Variants in MCM9 observed in about 807,000 individuals in gnomAD.
MCM9 encodes the protein DNA helicase MCM9.
MCM9 carries 55 observed loss-of-function variants against 72.8 expected under a neutral mutation model. The ratio of observed to expected loss-of-function variants is 0.76; its 90% CI spans 0.61 to 0.95. The LOEUF (loss-of-function observed/expected upper bound fraction) is 0.95. Ranked by LOEUF, MCM9 falls within the 40% of genes least tolerant of loss-of-function variation. MCM9 has a pLI of 0.00. For missense variants in MCM9, 1,279 were observed against 1,377.0 expected (o/e 0.93, Z 1.13); for synonymous variants, 480 against 503.4 (o/e 0.95, Z 0.62).
chr6:118,816,332 G>T, intron 13 of MCM9, 38 bp from the exon 14 acceptor site: 1 of 1,457,434 alleles, frequency 6.9e-7, no homozygotes, highest in Non-Finnish European at 9.1e-7. Flanking sequence ...TGTCTTGAAG[G>T]GAAGAGAATT....
In MCM9 at chr6:118,826,682, G is replaced by A; in HGVS notation, c.1815+100C>T. The A allele has an allele frequency of 3.7e-6, 3 of 821,020 alleles. No individual in the cohort carries two copies. The South Asian group carries it at 5.3e-5, about 15-fold the overall frequency. The allele number at this position is 821,020 out of a possible 1,614,324, so 50.9% of individuals were successfully genotyped here. On this transcript the variant is annotated intron_variant, in intron 12 of 13. Transcript: ENST00000619706. Reference sequence around the variant, plus strand: ...CCAGGAATTACTAAGTCTAGAATATGAGCATTTTAATAACTTTTGATATGT... The same window carrying A: ...CCAGGAATTACTAAGTCTAGAATATAAGCATTTTAATAACTTTTGATATGT...
intron 8 of MCM9, chr6:118,907,455 T>C (rs1230804820): frequency 1.2e-6 from 2 of 1,612,392 alleles, no homozygotes; most frequent in African/African-American, 1.3e-5. Flanking sequence ...TCCACATTAA[T>C]TGGGAAGATA....
intron 8 of MCM9, among the ~76,000 whole-genome samples, chr6:118,882,599 A>G (rs893815239): frequency 6.6e-6 from 1 of 152,200 alleles, no homozygotes; most frequent in African/African-American, 2.4e-5. Flanking sequence ...GAACAGAGCA[A>G]TCAACAACTA....
At chr6:118,924,327 GTT>G (rs201140569) in intron 3 of MCM9, among the ~76,000 whole-genome samples, 200 bp from the exon 4 acceptor site, 1 of 151,500 alleles carries the variant, frequency 6.6e-6, no homozygotes, top group African/African-American at 2.4e-5. Flanking sequence ...TATCAGTAGA[GTT>G]TTTTTTTAAT....
intron 8 of MCM9, among the ~76,000 whole-genome samples, chr6:118,885,553 C>CAATT (rs1333250234): frequency 2.0e-5 from 3 of 151,996 alleles, no homozygotes; most frequent in African/African-American, 7.3e-5. Flanking sequence ...TTACATCAAC[C>CAATT]AATTAAGTAA....
intron 13 of MCM9, among the ~76,000 whole-genome samples, chr6:118,822,134 T>C (rs999202421): frequency 6.6e-6 from 1 of 152,216 alleles, no homozygotes; most frequent in African/African-American, 2.4e-5. Context: ...TGTCAATTCG[T>C]CAATCTCATT....
chr6:118,876,400 T>C (rs1023723783), intron 8 of MCM9, among the ~76,000 whole-genome samples: 1 of 152,220 alleles, frequency 6.6e-6, no homozygotes, highest in Non-Finnish European at 1.5e-5. Flanking sequence ...AGCAATGATG[T>C]GTCATTGTTG....
chr6:118,886,724 T>A (rs1039435432), intron 8 of MCM9, among the ~76,000 whole-genome samples: 1 of 151,878 alleles, frequency 6.6e-6, no homozygotes, highest in Non-Finnish European at 1.5e-5. Flanking sequence ...GAGGCTGAAG[T>A]GGGAGGGTGG....
chr6:118,819,711 G>A (rs1349814956), intron 13 of MCM9, among the ~76,000 whole-genome samples: 1 of 152,136 alleles, frequency 6.6e-6, no homozygotes, highest in Non-Finnish European at 1.5e-5. Flanking sequence ...GCTCCTCTTT[G>A]TACCTCTGGT....
At chr6:118,934,626 G>A (rs955884779) in intron 1 of MCM9, 4 of 152,076 alleles carry the variant, frequency 2.6e-5, no homozygotes, top group South Asian at 2.1e-4. Flanking sequence ...CCGCTCGGCT[G>A]CCCCAGGGGC....
chr6:118,864,030 A>G (rs953944938), intron 8 of MCM9, among the ~76,000 whole-genome samples: 4 of 151,552 alleles, frequency 2.6e-5, no homozygotes, highest in African/African-American at 4.8e-5. Context: ...AGACCCAACT[A>G]TAAGATGTTT....
At chr6:118,856,862 C>T (rs1302955737) in intron 8 of MCM9, among the ~76,000 whole-genome samples, 2 of 152,020 alleles carry the variant, frequency 1.3e-5, no homozygotes, top group Admixed American at 1.3e-4. Context: ...GCCTGGGTGA[C>T]AGAGCAAGAT....
intron 9 of MCM9, among the ~76,000 whole-genome samples, chr6:118,833,838 A>ACC (rs2114578668): frequency 6.6e-6 from 1 of 152,286 alleles, no homozygotes; most frequent in Admixed American, 6.5e-5. Flanking sequence ...CAAGACGGAA[A>ACC]GAGTCCTGGT....
At position 118,856,529 on chromosome 6, in the gene MCM9, A is replaced by T. The variant is rs1156866562; in HGVS notation, c.1167T>A (p.Ala389=). The T allele has an allele frequency of 6.5e-7, 1 of 1,535,652 alleles. No homozygotes were observed. Among genetic ancestry groups the T allele is most frequent in the East Asian group, 2.4e-5 (1 of 40,904 alleles). ...GSTSAGLTVT[A]VKDSGEWNLE... is the part of the protein sequence containing the mutation. ...AATTCCATTCTCCTGAGTCTTTTAC[A>T]GCAGTTACCGTCAGACCTGAGGAAA... The change falls in exon 9 of 14, where the codon GCT becomes GCA. Residue 389 remains alanine, a synonymous_variant. Transcript: ENST00000619706.
At chr6:118,844,425 C>A (rs1181534777) in intron 9 of MCM9, among the ~76,000 whole-genome samples, 1 of 151,362 alleles carries the variant, frequency 6.6e-6, no homozygotes, top group Non-Finnish European at 1.5e-5. Context: ...CACCACCAAA[C>A]AGATGATAGA....
At chr6:118,825,495 T>C (rs547472877) in intron 13 of MCM9, among the ~76,000 whole-genome samples, 66 of 152,270 alleles carry the variant, frequency 4.3e-4, no homozygotes, top group African/African-American at 1.6e-3. Context: ...ATGTACTTCA[T>C]TCACCAGACC....
In MCM9 at chr6:118,816,056, G is replaced by C; in HGVS notation, c.2200C>G (p.His734Asp). Residue 734 changes from histidine (H) to aspartate (D), a missense_variant, in exon 14 of 14, where the codon CAC becomes GAC. Physicochemically the swap from His to Asp is moderately conservative, Grantham distance 81. Coordinates refer to ENST00000619706, the MANE Select transcript of MCM9 (RefSeq NM_017696.3). The part of the protein sequence containing the change: ...RSTSRKHSAQ[H>D]KNNRDDSLDW... ...AAACTGTCATCTCTGTTATTTTTGT[G>C]CTGAGCTGAATGTTTCCTACTTGTT... 6.5e-7 allele frequency: 1 copy of C among 1,550,228 alleles called. No individual in the cohort carries two copies. The highest frequency in any genetic ancestry group is 8.7e-7 in the Non-Finnish European group (1 of 1,146,770).
chr6:118,884,459 T>C (rs1778476959), intron 8 of MCM9, among the ~76,000 whole-genome samples: 1 of 151,556 alleles, frequency 6.6e-6, no homozygotes, highest in Admixed American at 6.6e-5. Context: ...AAAAATGCTA[T>C]ACTAGAAAAT....
intron 8 of MCM9, chr6:118,905,902 A>G: frequency 8.8e-7 from 1 of 1,133,200 alleles, no homozygotes. Context: ...GCAATTTCAT[A>G]GTATACTATT....
Sources: gnomAD v4.1 joint callset for allele counts (sites outside exome capture counted in the v4.1 genomes callset) on GRCh38, gnomAD v4.1.1 for gene constraint, MANE v1.5 for transcripts, NCBI Gene and HGNC (gene_info 2026-07-23, HGNC 2026-07-21) for gene names.